Variants in KSR2 observed in about 807,000 individuals in gnomAD.
KSR2 encodes the protein kinase suppressor of ras 2.
Under a neutral mutation model 107.8 loss-of-function variants are expected in KSR2, and 25 were observed. That is an observed-to-expected ratio of 0.23 (90% CI 0.17 to 0.32). The LOEUF (loss-of-function observed/expected upper bound fraction) is 0.32, where lower values mean the gene tolerates loss of function less well. KSR2 is among the 10% of genes least tolerant of loss of function. The probability of loss-of-function intolerance (pLI) is 1.00; values close to 1 mark genes in which losing one functional copy is unlikely to be tolerated. For synonymous variants in KSR2, 480 were observed against 507.0 expected (o/e 0.95, Z 0.71); for missense variants, 887 against 1,268.9 (o/e 0.70, Z 4.57).
At chr12:117,904,356 T>G (rs1020800298) in intron 1 of KSR2, among the ~76,000 whole-genome samples, 1 of 152,186 alleles carries the variant, frequency 6.6e-6, no homozygotes, top group Non-Finnish European at 1.5e-5. Flanking sequence ...ACTGGAAGTG[T>G]CTGGTATAGA....
At chr12:117,872,950 T>C (rs191643956) in intron 1 of KSR2, among the ~76,000 whole-genome samples, 15 of 152,226 alleles carry the variant, frequency 9.9e-5, no homozygotes, top group Admixed American at 8.5e-4. Flanking sequence ...GGAAGACAGA[T>C]GTGCAAATGC....
chr12:117,831,389 C>G (rs953473639), intron 3 of KSR2, among the ~76,000 whole-genome samples: 1 of 152,218 alleles, frequency 6.6e-6, no homozygotes, highest in African/African-American at 2.4e-5. Flanking sequence ...GGCACCTCTT[C>G]TTTGCCTCTT....
intron 9 of KSR2, among the ~76,000 whole-genome samples, chr12:117,553,089 T>G (rs902514336): frequency 6.6e-6 from 1 of 152,212 alleles, no homozygotes; most frequent in Non-Finnish European, 1.5e-5. Context: ...ACGGGAAAAC[T>G]GAGGCTCAGA....
intron 8 of KSR2, among the ~76,000 whole-genome samples, chr12:117,555,937 G>A (rs1370201251): frequency 6.6e-6 from 1 of 151,782 alleles, no homozygotes; most frequent in Non-Finnish European, 1.5e-5. Flanking sequence ...TTGATGCCTG[G>A]TATTGTTACT....
In KSR2 at chr12:117,913,116, C is replaced by T. The variant is rs149267662; in HGVS notation, c.181-52685G>A. ...TAGAAAATCAATGGTGTATCCTGTC[C>T]GTTCCCGAGTTGGCCTCAGAAGAAG... On this transcript the variant is annotated intron_variant, in intron 1 of 19. Coordinates refer to ENST00000339824, the MANE Select transcript of KSR2 (RefSeq NM_173598.6). Among the ~76,000 whole-genome samples, 235 of 152,250 alleles carry T rather than the reference C, an allele frequency of 1.5e-3. 2 individuals are homozygous for T. Among genetic ancestry groups the T allele is most frequent in the African/African-American group, 5.3e-3 (220 of 41,536 alleles).
At chr12:117,467,328 C>T in intron 19 of KSR2, 123 bp from the exon 20 acceptor site, 1 of 525,508 alleles carries the variant, frequency 1.9e-6, no homozygotes, top group South Asian at 3.1e-5. Flanking sequence ...CTGTCTTCTG[C>T]AAGAAGACAT....
intron 4 of KSR2, among the ~76,000 whole-genome samples, chr12:117,736,445 T>C (rs910360723): frequency 6.6e-6 from 1 of 152,128 alleles, no homozygotes; most frequent in African/African-American, 2.4e-5. Context: ...TAACTATTCG[T>C]TGAATTTACG....
intron 1 of KSR2, among the ~76,000 whole-genome samples, chr12:117,862,823 G>A (rs1893353664): frequency 6.6e-6 from 1 of 150,494 alleles, no homozygotes; most frequent in African/African-American, 2.4e-5. Flanking sequence ...TCCGCCTCCT[G>A]GGTTCCCTCC....
At chr12:117,487,991 G>A (rs1052979579) in intron 14 of KSR2, among the ~76,000 whole-genome samples, 49 of 152,186 alleles carry the variant, frequency 3.2e-4, no homozygotes, top group Admixed American at 1.6e-3. Context: ...TCAAGATCAG[G>A]GCCAGGTGGA....
At chr12:117,680,834 T>C (rs1885335314) in intron 4 of KSR2, among the ~76,000 whole-genome samples, 2 of 152,002 alleles carry the variant, frequency 1.3e-5, no homozygotes, top group African/African-American at 4.8e-5. Context: ...TCGAAAAAAA[T>C]GACCTGGTAA....
intron 3 of KSR2, among the ~76,000 whole-genome samples, chr12:117,824,183 T>C (rs183107114): frequency 5.6e-4 from 83 of 148,938 alleles, no homozygotes; most frequent in South Asian, 8.4e-4. Flanking sequence ...CTTACTCCTA[T>C]GAAACAGCTA....
At chr12:117,712,400 G>C (rs1165460844) in intron 4 of KSR2, among the ~76,000 whole-genome samples, 1 of 152,164 alleles carries the variant, frequency 6.6e-6, no homozygotes, top group Non-Finnish European at 1.5e-5. Flanking sequence ...GTAGGAACAA[G>C]ACAGAGGGTC....
rs143621680 is a variant in KSR2 at position 117,621,972 on chromosome 12, T to G, written c.1172-39613A>C. Reference sequence around the variant, plus strand: ...GACCATCCACATTCCATGGGCACCTTATGGATGCATTTGCACATCCTATTA... The same window carrying G: ...GACCATCCACATTCCATGGGCACCTGATGGATGCATTTGCACATCCTATTA... On this transcript the variant is annotated intron_variant, in intron 5 of 19. Coordinates refer to ENST00000339824, the MANE Select transcript of KSR2 (RefSeq NM_173598.6). Among the ~76,000 whole-genome samples the G allele has an allele frequency of 2.2e-3, 341 of 152,236 alleles. 1 individual carries two copies. The highest frequency in any genetic ancestry group is 7.8e-3 in the African/African-American group (324 of 41,552).
intron 3 of KSR2, among the ~76,000 whole-genome samples, chr12:117,814,120 G>C (rs1891291486): frequency 6.6e-6 from 1 of 152,172 alleles, no homozygotes; most frequent in Non-Finnish European, 1.5e-5. Context: ...AAGGCTAAGG[G>C]GAAGAGTGGG....
intron 4 of KSR2, among the ~76,000 whole-genome samples, chr12:117,740,898 G>A (rs1206741949): frequency 6.6e-6 from 1 of 152,092 alleles, no homozygotes; most frequent in Non-Finnish European, 1.5e-5. Context: ...CTGATGGATA[G>A]GCCACCGTGT....
Position 117,774,755 on chromosome 12 carries a change from T to G in KSR2, c.473-13231A>C, listed in dbSNP as rs540554826. 1.8e-3 allele frequency among the ~76,000 whole-genome samples: 270 copies of G among 152,292 alleles called. 1 individual carries two copies. Among genetic ancestry groups the G allele is most frequent in the African/African-American group, 6.2e-3 (258 of 41,556 alleles). On this transcript the variant is annotated intron_variant, in intron 3 of 19. Coordinates refer to ENST00000339824, the MANE Select transcript of KSR2 (RefSeq NM_173598.6). ...CAATGTTGTGTAACCGCCACCTCTA[T>G]CTAGTTCCAAAACACTATCATTACA...
rs150993163 is a variant in KSR2, at chr12:117,714,637, G to C, written c.986+46374C>G. The stretch of plus-strand genomic sequence containing the variant: ...CACGCACTCTGGGGATTTGAATCCA[G>C]TCTCTCTGCTTCTCAGCCCAGTCCT... On this transcript the variant is annotated intron_variant, in intron 4 of 19. Coordinates refer to ENST00000339824, the MANE Select transcript of KSR2 (RefSeq NM_173598.6). Among the ~76,000 whole-genome samples the C allele has an allele frequency of 2.8e-3, 421 of 152,306 alleles. 1 individual carries two copies. The highest frequency in any genetic ancestry group is 7.0e-3 in the African/African-American group (291 of 41,560).
At chr12:117,524,426 G>A (rs1874970049) in intron 14 of KSR2, among the ~76,000 whole-genome samples, 1 of 152,198 alleles carries the variant, frequency 6.6e-6, no homozygotes. Context: ...AGCAGTCTGG[G>A]AGGTCAAGGC....
intron 14 of KSR2, among the ~76,000 whole-genome samples, chr12:117,496,889 T>C (rs1272860715): frequency 6.6e-6 from 1 of 151,710 alleles, no homozygotes; most frequent in African/African-American, 2.4e-5. Context: ...CTCGCTCTGT[T>C]GCCCAGGCTG....
Sources: allele counts gnomAD v4.1 joint callset (sites outside exome capture counted in the v4.1 genomes callset), GRCh38; gene constraint gnomAD v4.1.1; transcripts MANE v1.5; gene names NCBI Gene and HGNC (gene_info 2026-07-23, HGNC 2026-07-21).